Variants in SHISA9 observed in about 807,000 individuals in gnomAD.
SHISA9 encodes the protein shisa family member 9, also known as protein shisa-9.
In SHISA9, 13 loss-of-function variants were observed where a neutral mutation model predicts 38.0. The ratio of observed to expected loss-of-function variants is 0.34; its 90% confidence interval spans 0.22 to 0.54. The LOEUF (loss-of-function observed/expected upper bound fraction) is 0.54, where lower values mean the gene tolerates loss of function less well. Ranked by LOEUF, SHISA9 falls within the 20% of genes least tolerant of loss-of-function variation. The pLI is 0.91. For missense variants in SHISA9, 538 were observed against 575.8 expected, an observed-to-expected ratio of 0.93 and a Z score of 0.67; for synonymous variants, 275 against 242.0, an observed-to-expected ratio of 1.14 and a Z score of -1.27.
intron 2 of SHISA9, among the ~76,000 whole-genome samples, chr16:13,029,069 A>G (rs959433820): frequency 2.0e-5 from 3 of 152,058 alleles, no homozygotes; most frequent in Admixed American, 6.5e-5. Flanking sequence ...AATTTTTTTT[A>G]TTTTTAGTTT....
At chr16:13,342,113 T>C in the SHISA9 span, among the ~76,000 whole-genome samples, 375 of 152,258 alleles carry the variant, frequency 2.5e-3, 2 homozygotes, top group Admixed American at 2.6e-3. Flanking sequence ...CCAAGATGCC[T>C]AAAACTCTTT....
the SHISA9 span, among the ~76,000 whole-genome samples, chr16:13,524,401 T>C: frequency 9.7e-4 from 148 of 152,320 alleles, no homozygotes; most frequent in Non-Finnish European, 1.7e-3. Flanking sequence ...ATAAAAAGTA[T>C]GCAACCCAGT....
rs568769330 is a variant in SHISA9 at position 12,935,500 on chromosome 16, A to C, written c.691+18685A>C. ...AAGCCTATGGAATGTCTCCAGCAAA[A>C]ATGGGCATATGTGATCATGGGAAGC... On this transcript the variant is annotated intron_variant, in intron 2 of 4. Coordinates refer to ENST00000558583, the MANE Select transcript of SHISA9 (RefSeq NM_001145204.3). Among the ~76,000 whole-genome samples the C allele has an allele frequency of 3.3e-5, 5 of 152,236 alleles. No homozygotes were observed. The South Asian group carries it at 1.0e-3, about 32-fold the overall frequency.
At chr16:13,336,418 T>C in the SHISA9 span, among the ~76,000 whole-genome samples, 3 of 152,248 alleles carry the variant, frequency 2.0e-5, no homozygotes, top group Admixed American at 1.3e-4. Flanking sequence ...GACAGAAATA[T>C]AGAATTATTT....
chr16:13,122,051 G>A (rs1404972591), intron 2 of SHISA9, among the ~76,000 whole-genome samples: 1 of 152,176 alleles, frequency 6.6e-6, no homozygotes, highest in Non-Finnish European at 1.5e-5. Context: ...CATGTCAGAT[G>A]TCATATTTTT....
chr16:13,397,099 A>G, the SHISA9 span, among the ~76,000 whole-genome samples: 2 of 152,342 alleles, frequency 1.3e-5, no homozygotes, highest in East Asian at 1.9e-4. Context: ...GATTTTCCTA[A>G]TAACATTTTA....
At chr16:12,909,539 C>G in intron 1 of SHISA9, 1 of 985,356 alleles carries the variant, frequency 1.0e-6, no homozygotes, top group Non-Finnish European at 1.2e-6. Flanking sequence ...AAGAGATGCA[C>G]CATTTTCTTC....
the SHISA9 span, among the ~76,000 whole-genome samples, chr16:13,395,319 G>A: frequency 2.0e-5 from 3 of 152,186 alleles, no homozygotes; most frequent in Non-Finnish European, 4.4e-5. Context: ...AGAAACTGGG[G>A]TAGACCAAAG....
At position 12,902,531 on chromosome 16, in the gene SHISA9, T is replaced by A; in HGVS notation, c.467T>A (p.Ile156Asn). ...GACAAGACCAACCTGATCGTCTACA[T>A]CATCTGCGGGGTGGTGGCCGTCATG... ...TKDKTNLIVY[I>N]ICGVVAVMVL... is the part of the protein sequence containing the mutation. Residue 156 changes from isoleucine (I) to asparagine (N), a missense_variant, in exon 1 of 5, where the codon ATC becomes AAC. Ile to Asn is a moderately radical substitution (Grantham distance 149, BLOSUM62 -3). Transcript: ENST00000558583. 6.4e-7 allele frequency: 1 copy of A among 1,551,408 alleles called. No homozygotes were observed. The highest frequency in any genetic ancestry group is 8.7e-7 in the Non-Finnish European group (1 of 1,146,988).
chr16:13,495,826 C>G, the SHISA9 span, among the ~76,000 whole-genome samples: 3 of 152,054 alleles, frequency 2.0e-5, no homozygotes, highest in Non-Finnish European at 4.4e-5. Context: ...GTACAAAACA[C>G]TTTAGAAACT....
chr16:12,957,630 T>G (rs942946847), intron 2 of SHISA9, among the ~76,000 whole-genome samples: 2 of 152,116 alleles, frequency 1.3e-5, no homozygotes, highest in African/African-American at 2.4e-5. Flanking sequence ...CATTGAGGGG[T>G]AGGATTTCAA....
chr16:13,162,719 C>T (rs2050605938), intron 2 of SHISA9, among the ~76,000 whole-genome samples: 1 of 151,744 alleles, frequency 6.6e-6, no homozygotes, highest in Non-Finnish European at 1.5e-5. Context: ...TGGATATTGT[C>T]ATAAGAGAAA....
the SHISA9 span, among the ~76,000 whole-genome samples, chr16:13,554,956 G>A: frequency 3.9e-5 from 6 of 152,330 alleles, no homozygotes; most frequent in African/African-American, 1.4e-4. Context: ...AATCCCATTT[G>A]AGGCCATATC....
At chr16:13,248,154 G>T in the SHISA9 span, among the ~76,000 whole-genome samples, 3 of 152,156 alleles carry the variant, frequency 2.0e-5, no homozygotes, top group East Asian at 5.8e-4. Flanking sequence ...GTTGCCATGA[G>T]AATTTTCCTC....
At chr16:12,970,405 A>ATATATG (rs1567357063) in intron 2 of SHISA9, among the ~76,000 whole-genome samples, 768 of 7,694 alleles carry the variant, frequency 0.1, 33 homozygotes, top group East Asian at 0.2. Context: ...ATATATATAC[A>ATATATG]TATATATATA....
At chr16:13,403,238 A>G in the SHISA9 span, among the ~76,000 whole-genome samples, 3 of 152,228 alleles carry the variant, frequency 2.0e-5, no homozygotes, top group South Asian at 2.1e-4. Context: ...TTCCATTATC[A>G]ACACTTGCCT....
chr16:13,069,134 T>C (rs1448520154), intron 2 of SHISA9, among the ~76,000 whole-genome samples: 1 of 151,974 alleles, frequency 6.6e-6, no homozygotes, highest in African/African-American at 2.4e-5. Flanking sequence ...TATATGCACA[T>C]ATGTGTACAT....
intron 2 of SHISA9, among the ~76,000 whole-genome samples, chr16:13,048,214 C>T (rs1018111810): frequency 1.3e-5 from 2 of 152,184 alleles, no homozygotes; most frequent in Non-Finnish European, 2.9e-5. Flanking sequence ...TGATAAATGG[C>T]ATATCTCAAA....
intron 4 of SHISA9, among the ~76,000 whole-genome samples, chr16:13,221,737 T>A (rs965020087): frequency 9.2e-5 from 14 of 152,162 alleles, no homozygotes; most frequent in African/African-American, 3.4e-4. Flanking sequence ...TATTAGAACA[T>A]TTTCCTCATC....
Sources: allele counts gnomAD v4.1 joint callset (sites outside exome capture counted in the v4.1 genomes callset), GRCh38; gene constraint gnomAD v4.1.1; transcripts MANE v1.5; gene names NCBI Gene and HGNC (gene_info 2026-07-23, HGNC 2026-07-21).